Variants in ATRX observed in about 807,000 individuals in gnomAD.
The protein encoded by ATRX is ATRX chromatin remodeler, also known as chromatin remodeler ATRX.
Under a neutral mutation model 172.6 loss-of-function variants are expected in ATRX, and 12 were observed. That is an observed-to-expected ratio of 0.07 (90% CI 0.04 to 0.11). The LOEUF is 0.11. ATRX is among the 10% of genes least tolerant of loss of function. The pLI, the probability that ATRX is intolerant of heterozygous loss-of-function variation, is 1.00. For synonymous variants in ATRX, 674 were observed against 594.7 expected (o/e 1.13, Z -1.94); for missense variants, 1,368 against 1,767.4 (o/e 0.77, Z 4.05).
At chrX:77,560,721 T>C (rs993897827) in intron 28 of ATRX, among the ~76,000 whole-genome samples, 1 of 111,610 alleles carries the variant, frequency 9.0e-6, no homozygotes, top group Non-Finnish European at 1.9e-5. Context: ...ACCAATCATA[T>C]TATATACTAA....
chrX:77,590,012 T>A, intron 26 of ATRX, 72 bp from the exon 27 acceptor site: 1 of 891,501 alleles, frequency 1.1e-6, no homozygotes, highest in Non-Finnish European at 1.6e-6. Flanking sequence ...TAAATCGATC[T>A]ACAAATTTAA....
rs782784406 is a variant in ATRX, at chrX:77,593,785, T to C, written c.6021A>G (p.Thr2007=). 1.7e-6 allele frequency: 2 copies of C among 1,210,412 alleles called. No homozygotes were observed. Among genetic ancestry groups the C allele is most frequent in the Non-Finnish European group, 2.2e-6 (2 of 894,238 alleles). ...GCTCTAAAACCTCAGCATCAGCATCTGTAACAAAATCTTTGTACCAGTCTG... is the reference window on the plus strand; with the variant it reads ...GCTCTAAAACCTCAGCATCAGCATCCGTAACAAAATCTTTGTACCAGTCTG... The part of the protein sequence containing the change: ...PAPDWYKDFV[T]DADAEVLEHS... The change falls in exon 26 of 35, where the codon ACA becomes ACG. Residue 2007 remains threonine (T), a synonymous_variant. Coordinates refer to ENST00000373344, the MANE Select transcript of ATRX (RefSeq NM_000489.6).
At position 77,507,312 on chromosome X, in the gene ATRX, A is replaced by G. The variant is rs1557033961; in HGVS notation, c.*1039T>C. ...TATCTTTCAGAGGAATTATTTCACA[A>G]TACTGATAGTACTGGGAATTGTTAA... On this transcript the variant is annotated 3_prime_UTR_variant, in exon 35 of 35. Coordinates refer to ENST00000373344, the MANE Select transcript of ATRX (RefSeq NM_000489.6). The G allele has an allele frequency of 5.8e-6, 1 of 172,388 alleles. No individual in the cohort carries two copies. Among genetic ancestry groups the G allele is most frequent in the African/African-American group, 2.9e-5 (1 of 33,909 alleles). 14.2% of individuals were successfully genotyped at this position (172,388 alleles called of 1,213,427 possible). A position where few individuals can be genotyped will look rare whatever the true frequency, so the allele number is the denominator to read the frequency against.
At chrX:77,734,975 C>A (rs2074476225) in intron 1 of ATRX, among the ~76,000 whole-genome samples, 1 of 106,813 alleles carries the variant, frequency 9.4e-6, no homozygotes, top group Non-Finnish European at 1.9e-5. Flanking sequence ...GCTTGTAATC[C>A]CAGCTACTCG....
At chrX:77,780,966 T>C (rs1198835221) in intron 1 of ATRX, among the ~76,000 whole-genome samples, 1 of 110,480 alleles carries the variant, frequency 9.1e-6, no homozygotes, top group African/African-American at 3.3e-5. Flanking sequence ...ACAGACCATC[T>C]AGTCTTGTTC....
chrX:77,660,397 C>T (rs1216837362), intron 12 of ATRX, among the ~76,000 whole-genome samples: 2 of 109,332 alleles, frequency 1.8e-5, no homozygotes, highest in African/African-American at 6.7e-5. Context: ...AACCCTGTTT[C>T]TACTAAAAAT....
chrX:77,530,102 C>T (rs1317597685), intron 30 of ATRX, among the ~76,000 whole-genome samples: 5 of 111,727 alleles, frequency 4.5e-5, no homozygotes, highest in African/African-American at 1.6e-4. Context: ...TCTCTTAGAC[C>T]ACAGCGCAAT....
chrX:77,675,223 A>G, intron 10 of ATRX: 2 of 112,218 alleles, frequency 1.8e-5, no homozygotes. Context: ...TGAATGGTTA[A>G]TGTAGTGCTC....
At chrX:77,604,419 G>C (rs1177766798) in intron 22 of ATRX, among the ~76,000 whole-genome samples, 1 of 112,278 alleles carries the variant, frequency 8.9e-6, no homozygotes, top group East Asian at 2.8e-4. Flanking sequence ...CTAAACGTCA[G>C]AAAAATGCAA....
chrX:77,506,906 T>C lies in ATRX; in HGVS notation c.*1445A>G, dbSNP rs2062720817. The C allele has an allele frequency of 6.5e-6, 1 of 154,139 alleles. No homozygotes were observed. Among genetic ancestry groups the C allele is most frequent in the Admixed American group, 9.3e-5 (1 of 10,705 alleles). The allele number at this position is 154,139 out of a possible 1,213,427, so 12.7% of individuals were successfully genotyped here. On this transcript the variant is annotated 3_prime_UTR_variant, in exon 35 of 35. Transcript: ENST00000373344. The stretch of plus-strand genomic sequence containing the variant: ...GCCCAAACCCAGTTTTCTTTTTTTT[T>C]TTTTTTTTTTTTTTTTTGGAATTCT...
Position 77,717,344 on chromosome X carries a change from G to A in ATRX, c.21-101C>T, listed in dbSNP as rs140590017. 1.1e-3 allele frequency: 670 copies of A among 635,489 alleles called. 3 individuals are homozygous for A. The African/African-American group carries it at 0.013, about 12-fold the overall frequency. The allele number at this position is 635,489 out of a possible 1,213,427, so 52.4% of individuals were successfully genotyped here. A position where few individuals can be genotyped will look rare whatever the true frequency, so the allele number is the denominator to read the frequency against. ...TGAAAATATAGCCATACTGTAAGTC[G>A]TGTAAGAGTATGCACATTCAAAGTA... On this transcript the variant is annotated intron_variant, in intron 1 of 34. Transcript: ENST00000373344.
At chrX:77,702,539 C>G (rs1016564324) in intron 2 of ATRX, among the ~76,000 whole-genome samples, 4 of 110,646 alleles carry the variant, frequency 3.6e-5, no homozygotes, top group African/African-American at 1.3e-4. Flanking sequence ...AATGTTATGT[C>G]TATACACTTG....
chrX:77,658,045 C>CA (rs1303213805), intron 12 of ATRX, among the ~76,000 whole-genome samples: 3 of 109,325 alleles, frequency 2.7e-5, no homozygotes, highest in Admixed American at 9.8e-5. Flanking sequence ...TCTGTCTCTA[C>CA]AAAAAAAATT....
intron 1 of ATRX, among the ~76,000 whole-genome samples, chrX:77,722,690 A>T (rs1290190279): frequency 1.8e-5 from 2 of 112,025 alleles, no homozygotes; most frequent in Non-Finnish European, 3.8e-5. Flanking sequence ...GTCAGGGAAC[A>T]ACACATGCTG....
rs903873506 is a variant in ATRX, at chrX:77,742,512, C to A, written c.21-25269G>T. Among the ~76,000 whole-genome samples the A allele has an allele frequency of 5.4e-5, 6 of 111,898 alleles. No homozygotes were observed. The Admixed American group carries it at 5.7e-4, about 11-fold the overall frequency. On this transcript the variant is annotated intron_variant, in intron 1 of 34. Coordinates refer to ENST00000373344, the MANE Select transcript of ATRX (RefSeq NM_000489.6). ...GGGAATGGGGCAGAAGAAACAAGAT[C>A]AGGAAAAGATGGATGACTGCAAGAA...
At chrX:77,601,612 G>A (rs190598716) in intron 22 of ATRX, among the ~76,000 whole-genome samples, 3 of 111,060 alleles carry the variant, frequency 2.7e-5, no homozygotes, top group African/African-American at 6.5e-5. Context: ...ATGAATGCAC[G>A]TTTCATTAAT....
chrX:77,538,865 T>C (rs1160981697), intron 30 of ATRX, among the ~76,000 whole-genome samples: 2 of 110,547 alleles, frequency 1.8e-5, no homozygotes, highest in African/African-American at 6.6e-5. Context: ...GGATTTATTT[T>C]CTTCTCTTTC....
At chrX:77,545,164 C>T (rs1167853287) in intron 30 of ATRX, among the ~76,000 whole-genome samples, 1 of 112,224 alleles carries the variant, frequency 8.9e-6, no homozygotes, top group African/African-American at 3.2e-5. Context: ...GGCTGCATAC[C>T]AGCACTGTTC....
chrX:77,546,092 C>T (rs996378507), intron 30 of ATRX, among the ~76,000 whole-genome samples: 4 of 111,431 alleles, frequency 3.6e-5, no homozygotes, highest in Non-Finnish European at 5.7e-5. Context: ...ATTTACTTCT[C>T]CGCAAGCTTA....
Sources: gnomAD v4.1 joint callset for allele counts (sites outside exome capture counted in the v4.1 genomes callset) on GRCh38, gnomAD v4.1.1 for gene constraint, MANE v1.5 for transcripts, NCBI Gene and HGNC (gene_info 2026-07-23, HGNC 2026-07-21) for gene names.